The following GALNT18 variants were observed in gnomAD, a reference collection of about 807,000 sequenced individuals.
The protein encoded by GALNT18 is polypeptide N-acetylgalactosaminyltransferase 18.
GALNT18 carries 44 observed loss-of-function variants against 69.5 expected under a neutral mutation model. The observed-to-expected ratio is 0.63, with a 90% CI of 0.50 to 0.81. The LOEUF is 0.81. Ranked by LOEUF, GALNT18 falls within the 40% of genes least tolerant of loss-of-function variation. The pLI, the probability that GALNT18 is intolerant of heterozygous loss-of-function variation, is 0.00. For missense variants in GALNT18, 715 were observed against 810.0 expected, an observed-to-expected ratio of 0.88 and a Z score of 1.42; for synonymous variants, 364 against 318.2, an observed-to-expected ratio of 1.14 and a Z score of -1.53.
intron 9 of GALNT18, among the ~76,000 whole-genome samples, chr11:11,301,769 C>T (rs988324693): frequency 6.6e-6 from 1 of 152,186 alleles, no homozygotes; most frequent in African/African-American, 2.4e-5. Context: ...TCTCGGGTGC[C>T]AGGGCTGGCC....
chr11:11,443,760 G>A (rs1431946961), intron 2 of GALNT18, among the ~76,000 whole-genome samples: 3 of 152,254 alleles, frequency 2.0e-5, no homozygotes, highest in Non-Finnish European at 4.4e-5. Flanking sequence ...TGAGGTCCAG[G>A]AGGCTTCACC....
intron 6 of GALNT18, among the ~76,000 whole-genome samples, chr11:11,371,418 A>C (rs1439283094): frequency 6.6e-6 from 1 of 152,248 alleles, no homozygotes; most frequent in Non-Finnish European, 1.5e-5. Flanking sequence ...CATCAGATGC[A>C]GACACTAAGG....
chr11:11,291,181 C>G (rs1454783755), intron 10 of GALNT18, among the ~76,000 whole-genome samples: 1 of 152,076 alleles, frequency 6.6e-6, no homozygotes, highest in African/African-American at 2.4e-5. Flanking sequence ...TCAGCAGTAG[C>G]TCCCAGCTGG....
intron 6 of GALNT18, among the ~76,000 whole-genome samples, chr11:11,353,699 T>C (rs769808433): frequency 1.3e-5 from 2 of 152,100 alleles, no homozygotes; most frequent in African/African-American, 2.4e-5. Context: ...CCATACCAGA[T>C]GCCCCCAAAA....
At chr11:11,531,924 G>A (rs544108813) in intron 1 of GALNT18, among the ~76,000 whole-genome samples, 10 of 152,296 alleles carry the variant, frequency 6.6e-5, no homozygotes, top group Admixed American at 2.6e-4. Flanking sequence ...ATGGATGCAC[G>A]TGTGTGTGAG....
intron 3 of GALNT18, among the ~76,000 whole-genome samples, chr11:11,399,111 A>G (rs1854399102): frequency 6.6e-6 from 1 of 152,218 alleles, no homozygotes; most frequent in African/African-American, 2.4e-5. Context: ...GTTAGAATTC[A>G]TGTGGTCATG....
chr11:11,353,050 A>G (rs1486470496), intron 6 of GALNT18: 2 of 1,614,164 alleles, frequency 1.2e-6, no homozygotes, highest in East Asian at 2.2e-5. Context: ...TCGTAATCCC[A>G]GTATTCTCGA....
chr11:11,579,265 T>C (rs1455522012), intron 1 of GALNT18, among the ~76,000 whole-genome samples: 1 of 152,156 alleles, frequency 6.6e-6, no homozygotes, highest in Non-Finnish European at 1.5e-5. Context: ...CCTGGTCTGC[T>C]GGATCTAGGG....
intron 9 of GALNT18, among the ~76,000 whole-genome samples, chr11:11,321,863 C>T (rs981089232): frequency 6.6e-6 from 1 of 152,204 alleles, no homozygotes; most frequent in Non-Finnish European, 1.5e-5. Flanking sequence ...CCTCGGCCTC[C>T]CAAAGTGCTA....
At chr11:11,379,361 A>G in intron 3 of GALNT18, 97 bp from the exon 4 acceptor site, 1 of 1,211,522 alleles carries the variant, frequency 8.3e-7, no homozygotes, top group Non-Finnish European at 1.2e-6. Context: ...CCCCCAGAGA[A>G]AGGCTGGGGG....
At chr11:11,516,147 G>A (rs2133920702) in intron 1 of GALNT18, among the ~76,000 whole-genome samples, 1 of 152,334 alleles carries the variant, frequency 6.6e-6, no homozygotes, top group Middle Eastern at 3.4e-3. Flanking sequence ...GAGCTGCTAA[G>A]TGGGCCCAGC....
chr11:11,423,472 C>T (rs1018998114), intron 3 of GALNT18, among the ~76,000 whole-genome samples: 2 of 152,152 alleles, frequency 1.3e-5, no homozygotes, highest in African/African-American at 4.8e-5. Context: ...GTTCAATTAC[C>T]TCTCACCCAA....
At chr11:11,284,691 T>C (rs1352873705) in intron 10 of GALNT18, among the ~76,000 whole-genome samples, 2 of 152,210 alleles carry the variant, frequency 1.3e-5, no homozygotes, top group Admixed American at 6.5e-5. Flanking sequence ...TAATTTTCCA[T>C]GGGCAAGCAG....
At chr11:11,577,626 A>G (rs904787211) in intron 1 of GALNT18, among the ~76,000 whole-genome samples, 3 of 152,218 alleles carry the variant, frequency 2.0e-5, no homozygotes, top group African/African-American at 7.2e-5. Context: ...CTTTTGAAGA[A>G]GCACAGAATC....
intron 7 of GALNT18, among the ~76,000 whole-genome samples, chr11:11,333,264 T>A (rs1850051170): frequency 6.6e-6 from 1 of 152,150 alleles, no homozygotes; most frequent in Non-Finnish European, 1.5e-5. Flanking sequence ...ATAGTATTAA[T>A]AATACTATTC....
chr11:11,481,742 G>C (rs935178069), intron 1 of GALNT18, among the ~76,000 whole-genome samples: 1 of 152,084 alleles, frequency 6.6e-6, no homozygotes, highest in Non-Finnish European at 1.5e-5. Flanking sequence ...GGGGGGAAAC[G>C]GGCAAAGCAC....
rs182233025 is a variant in GALNT18, at chr11:11,339,971, C to T, written c.1278+848G>A. ...AGGACTCCAAAAGGGATTGCCATGG[C>T]CTTGGGAGGAAAGAATGAGGTCATG... is the stretch of plus-strand genomic sequence containing the variant. On this transcript the variant is annotated intron_variant, in intron 7 of 10. Coordinates refer to ENST00000227756, the MANE Select transcript of GALNT18 (RefSeq NM_198516.3). The surrounding 1 kb of genome is among the most constrained non-coding windows in gnomAD (Gnocchi z 5.2). 2.3e-4 allele frequency among the ~76,000 whole-genome samples: 35 copies of T among 152,304 alleles called. No individual in the cohort carries two copies. Among genetic ancestry groups the T allele is most frequent in the Non-Finnish European group, 3.8e-4 (26 of 68,020 alleles).
In GALNT18 at chr11:11,590,936, C is replaced by T. The variant is rs1859342265; in HGVS notation, c.235+30423G>A. On this transcript the variant is annotated intron_variant, in intron 1 of 10. Transcript: ENST00000227756. This position sits in a 1 kb window ranked among gnomAD's most constrained non-coding sequence, Gnocchi z 4.4. ...ACTATGTTACTGGTTTATGTATTTACTATATTATATTTTTACTATTATTTT... is the reference window on the plus strand; with the variant it reads ...ACTATGTTACTGGTTTATGTATTTATTATATTATATTTTTACTATTATTTT... Among the ~76,000 whole-genome samples the T allele has an allele frequency of 6.6e-6, 1 of 152,062 alleles. No homozygotes were observed. The highest frequency in any genetic ancestry group is 2.4e-5 in the African/African-American group (1 of 41,376).
chr11:11,444,876 C>T lies in GALNT18; in HGVS notation c.428+3868G>A, dbSNP rs555170861. Among the ~76,000 whole-genome samples, 30 of 152,284 alleles carry T rather than the reference C, an allele frequency of 2.0e-4. No individual in the cohort carries two copies. Among genetic ancestry groups the T allele is most frequent in the African/African-American group, 6.7e-4 (28 of 41,568 alleles). On this transcript the variant is annotated intron_variant, in intron 2 of 10. Transcript: ENST00000227756. This position sits in a 1 kb window ranked among gnomAD's most constrained non-coding sequence, Gnocchi z 4.4. ...GGAATTCACAAGAGGCACAGGGGCT[C>T]CGGCTATGGCAAGAGCCACACAGCA...
Sources: allele counts gnomAD v4.1 joint callset (sites outside exome capture counted in the v4.1 genomes callset), GRCh38; gene constraint gnomAD v4.1.1; non-coding constraint Gnocchi (gnomAD v3.1); transcripts MANE v1.5; gene names NCBI Gene and HGNC (gene_info 2026-07-23, HGNC 2026-07-21).